Variants in ZBTB20 observed in about 807,000 individuals in gnomAD.
The protein encoded by ZBTB20 is zinc finger and BTB domain containing 20, also known as zinc finger and BTB domain-containing protein 20.
A neutral mutation model predicts 56.9 loss-of-function variants in ZBTB20; 9 were observed. The ratio of observed to expected loss-of-function variants is 0.16; its 90% CI spans 0.10 to 0.28. ZBTB20 has a LOEUF of 0.28. Ranked by LOEUF, ZBTB20 falls within the 10% of genes least tolerant of loss-of-function variation. ZBTB20 has a pLI of 1.00. For missense variants in ZBTB20, 655 were observed against 1,003.0 expected, an observed-to-expected ratio of 0.65 and a Z score of 4.69; for synonymous variants, 417 against 420.7, an observed-to-expected ratio of 0.99 and a Z score of 0.11.
intron 1 of ZBTB20, among the ~76,000 whole-genome samples, chr3:115,135,776 T>G (rs2084637181): frequency 6.6e-6 from 1 of 152,296 alleles, no homozygotes; most frequent in Middle Eastern, 3.4e-3. Flanking sequence ...AAGAGCTAAG[T>G]AATTATATTA....
chr3:114,622,181 G>A (rs2058366616), intron 6 of ZBTB20, among the ~76,000 whole-genome samples: 1 of 151,866 alleles, frequency 6.6e-6, no homozygotes, highest in Admixed American at 6.6e-5. Context: ...CAGTTTTCCT[G>A]GGAGTCTGGG....
intron 4 of ZBTB20, among the ~76,000 whole-genome samples, chr3:114,826,084 A>G (rs2073509413): frequency 6.6e-6 from 1 of 151,762 alleles, no homozygotes; most frequent in Non-Finnish European, 1.5e-5. Flanking sequence ...TTTAGTTGCC[A>G]TAAACAACCA....
At chr3:114,797,106 TAAATATTTA>T (rs1420596248) in intron 5 of ZBTB20, among the ~76,000 whole-genome samples, 2 of 151,864 alleles carry the variant, frequency 1.3e-5, no homozygotes, top group Admixed American at 6.6e-5. Flanking sequence ...TTACATGAGT[TAAATATTTA>T]AAAGCTCTGT....
chr3:114,486,481 T>C (rs926814659), intron 7 of ZBTB20, among the ~76,000 whole-genome samples: 2 of 152,118 alleles, frequency 1.3e-5, no homozygotes, highest in African/African-American at 4.8e-5. Context: ...ATAAAACTGG[T>C]AGAGGAGTAT....
At chr3:114,700,092 A>T (rs1405851894) in intron 5 of ZBTB20, among the ~76,000 whole-genome samples, 5 of 151,978 alleles carry the variant, frequency 3.3e-5, no homozygotes, top group Non-Finnish European at 7.4e-5. Context: ...CTACTGTTCA[A>T]ATTGTTGCTT....
At chr3:114,848,923 T>G (rs1357684147) in intron 4 of ZBTB20, among the ~76,000 whole-genome samples, 1 of 152,200 alleles carries the variant, frequency 6.6e-6, no homozygotes, top group Non-Finnish European at 1.5e-5. Context: ...TGGACCTTAA[T>G]GACAAAGAGC....
intron 4 of ZBTB20, among the ~76,000 whole-genome samples, chr3:114,877,527 A>G (rs1237838126): frequency 6.6e-6 from 1 of 152,204 alleles, no homozygotes; most frequent in East Asian, 1.9e-4. Flanking sequence ...CAAGAAGGAA[A>G]ATGCTGCTGT....
intron 5 of ZBTB20, among the ~76,000 whole-genome samples, chr3:114,758,484 T>C (rs2068181100): frequency 6.6e-6 from 1 of 152,188 alleles, no homozygotes; most frequent in South Asian, 2.1e-4. Flanking sequence ...AAACAGTGTT[T>C]ACTTTTAAAA....
At chr3:114,959,720 TAC>T (rs56785871) in intron 3 of ZBTB20, among the ~76,000 whole-genome samples, 15,681 of 145,180 alleles carry the variant, frequency 0.11, 2,295 homozygotes, top group African/African-American at 0.34. Context: ...TTTATATACA[TAC>T]ACACACACAC....
intron 1 of ZBTB20, among the ~76,000 whole-genome samples, chr3:115,125,015 T>C (rs2084285443): frequency 1.3e-5 from 2 of 151,690 alleles, no homozygotes; most frequent in Non-Finnish European, 1.5e-5. Flanking sequence ...CATGTACCCC[T>C]GAACTTAAAG....
intron 5 of ZBTB20, among the ~76,000 whole-genome samples, chr3:114,776,019 T>C (rs1305863033): frequency 4.7e-5 from 6 of 128,776 alleles, no homozygotes; most frequent in Admixed American, 1.9e-4. Flanking sequence ...TTGTTACTCC[T>C]CCAATTTTTT....
At chr3:114,948,488 T>C (rs1323451417) in intron 3 of ZBTB20, among the ~76,000 whole-genome samples, 2 of 146,086 alleles carry the variant, frequency 1.4e-5, no homozygotes, top group East Asian at 3.9e-4. Flanking sequence ...AAAACTGTAG[T>C]TATTCACAGA....
intron 6 of ZBTB20, among the ~76,000 whole-genome samples, chr3:114,605,365 T>C (rs1273477367): frequency 6.6e-6 from 1 of 152,208 alleles, no homozygotes; most frequent in East Asian, 1.9e-4. Context: ...CATGACTTTT[T>C]GGTAAAAAGA....
At chr3:115,099,720 C>T (rs951646332) in intron 1 of ZBTB20, among the ~76,000 whole-genome samples, 1 of 152,132 alleles carries the variant, frequency 6.6e-6, no homozygotes, top group African/African-American at 2.4e-5. Context: ...GTAATACCCA[C>T]ACTGGCACTG....
chr3:114,527,395 G>T (rs556925666), intron 6 of ZBTB20: 1 of 152,194 alleles, frequency 6.6e-6, no homozygotes, highest in African/African-American at 2.4e-5. Flanking sequence ...AGGGCTGAAG[G>T]GGGCAGGAAG....
At chr3:114,983,266 A>G (rs1019939497) in intron 2 of ZBTB20, among the ~76,000 whole-genome samples, 1 of 152,020 alleles carries the variant, frequency 6.6e-6, no homozygotes, top group Non-Finnish European at 1.5e-5. Flanking sequence ...TATGCCCTCA[A>G]CATGTCCTTC....
intron 4 of ZBTB20, among the ~76,000 whole-genome samples, chr3:114,804,512 T>G (rs922719778): frequency 6.6e-6 from 1 of 151,992 alleles, no homozygotes; most frequent in Admixed American, 6.6e-5. Context: ...CTCTATAATT[T>G]ATTTATTCAG....
intron 5 of ZBTB20, among the ~76,000 whole-genome samples, chr3:114,740,183 C>T (rs1370239085): frequency 1.3e-5 from 2 of 151,960 alleles, no homozygotes; most frequent in Non-Finnish European, 2.9e-5. Context: ...TGTTGCCATG[C>T]CAAATGTATA....
intron 6 of ZBTB20, among the ~76,000 whole-genome samples, chr3:114,552,239 T>G (rs943076017): frequency 6.6e-6 from 1 of 152,038 alleles, no homozygotes; most frequent in Non-Finnish European, 1.5e-5. Flanking sequence ...AACTTGGAAA[T>G]TCTAGATATC....
Sources: gnomAD v4.1 joint callset for allele counts (sites outside exome capture counted in the v4.1 genomes callset) on GRCh38, gnomAD v4.1.1 for gene constraint, MANE v1.5 for transcripts, NCBI Gene and HGNC (gene_info 2026-07-23, HGNC 2026-07-21) for gene names.